The following MGAT4C variants were observed in gnomAD, a reference collection of about 807,000 sequenced individuals.
MGAT4C encodes alpha-1,3-mannosyl-glycoprotein 4-beta-N-acetylglucosaminyltransferase C.
A neutral mutation model predicts 40.1 loss-of-function variants in MGAT4C; 19 were observed. The observed-to-expected ratio is 0.47, with a 90% confidence interval of 0.33 to 0.70. The LOEUF is 0.70. Among genes scored for constraint, MGAT4C ranks in the 30% least tolerant of loss-of-function variants. The pLI is 0.02. For synonymous variants in MGAT4C, 181 were observed against 187.1 expected, an observed-to-expected ratio of 0.97 and a Z score of 0.27; for missense variants, 491 against 563.2, an observed-to-expected ratio of 0.87 and a Z score of 1.30.
At chr12:85,985,914 T>A (rs1885147520) in intron 3 of MGAT4C, among the ~76,000 whole-genome samples, 1 of 152,184 alleles carries the variant, frequency 6.6e-6, no homozygotes, top group South Asian at 2.1e-4. Context: ...AGCACTAAAT[T>A]CATTTTACCA....
chr12:86,723,143 G>A (rs1434305312), intron 2 of MGAT4C, among the ~76,000 whole-genome samples: 2 of 152,132 alleles, frequency 1.3e-5, no homozygotes, highest in African/African-American at 4.8e-5. Flanking sequence ...TTACTACTCT[G>A]AATTTTAAGA....
At chr12:86,282,932 C>T (rs183387293) in intron 4 of MGAT4C, among the ~76,000 whole-genome samples, 1 of 152,058 alleles carries the variant, frequency 6.6e-6, no homozygotes, top group African/African-American at 2.4e-5. Flanking sequence ...TGTCTTCTAG[C>T]ACTATGAAAC....
chr12:86,293,875 C>T (rs1320111786), intron 4 of MGAT4C, among the ~76,000 whole-genome samples: 3 of 152,138 alleles, frequency 2.0e-5, no homozygotes, highest in East Asian at 3.9e-4. Flanking sequence ...TTGCCTCCTG[C>T]CATGATTAAA....
intron 1 of MGAT4C, among the ~76,000 whole-genome samples, chr12:86,252,736 A>G (rs1952353014): frequency 1.3e-5 from 2 of 151,908 alleles, no homozygotes; most frequent in South Asian, 4.1e-4. Flanking sequence ...TTATTATTTT[A>G]CTTATACTAT....
At chr12:86,105,655 T>C (rs1439126077) in intron 1 of MGAT4C, among the ~76,000 whole-genome samples, 1 of 152,124 alleles carries the variant, frequency 6.6e-6, no homozygotes, top group East Asian at 1.9e-4. Flanking sequence ...AAGGAAACAT[T>C]ATTAGCCACA....
intron 4 of MGAT4C, among the ~76,000 whole-genome samples, chr12:86,294,397 A>G (rs1471395319): frequency 6.7e-6 from 1 of 150,244 alleles, no homozygotes. Flanking sequence ...TGCTTTTATC[A>G]CTCTTCTTAT....
intron 2 of MGAT4C, among the ~76,000 whole-genome samples, chr12:86,721,100 T>C (rs1950729027): frequency 6.6e-6 from 1 of 152,144 alleles, no homozygotes; most frequent in Non-Finnish European, 1.5e-5. Context: ...AGAATGGTTA[T>C]TGACTCATGC....
At chr12:86,493,530 A>G (rs1958178214) in intron 2 of MGAT4C, among the ~76,000 whole-genome samples, 1 of 152,076 alleles carries the variant, frequency 6.6e-6, no homozygotes, top group Non-Finnish European at 1.5e-5. Flanking sequence ...CATCATTCTC[A>G]GTAAACTATC....
chr12:86,783,981 T>C (rs538468099), intron 1 of MGAT4C, among the ~76,000 whole-genome samples: 9 of 152,180 alleles, frequency 5.9e-5, no homozygotes, highest in Admixed American at 2.0e-4. Context: ...CAGCTTAAAT[T>C]TGAGGGCATT....
At position 86,634,637 on chromosome 12, in the gene MGAT4C, A is replaced by G. The variant is rs371564559; in HGVS notation, c.-229+92572T>C. 2.0e-5 allele frequency among the ~76,000 whole-genome samples: 3 copies of G among 152,026 alleles called. No individual in the cohort carries two copies. In the East Asian group the frequency reaches 5.9e-4, roughly 30 times the overall value. ...TGTTCCTATTTTCTTGCTGGCTACC[A>G]TCCTGGAGCTGCTCTCAGCTACAAA... On this transcript the variant is annotated intron_variant, in intron 2 of 7. Coordinates refer to the MGAT4C transcript ENST00000548651.
At chr12:86,218,723 G>A (rs1159360727) in intron 1 of MGAT4C, among the ~76,000 whole-genome samples, 1 of 152,106 alleles carries the variant, frequency 6.6e-6, no homozygotes, top group African/African-American at 2.4e-5. Context: ...CTATGGAACT[G>A]CTGTGGCAGG....
At chr12:86,781,355 C>T (rs1051803060) in intron 1 of MGAT4C, among the ~76,000 whole-genome samples, 12 of 151,782 alleles carry the variant, frequency 7.9e-5, no homozygotes, top group African/African-American at 2.7e-4. Flanking sequence ...CATTCTGACT[C>T]GTATAAATTG....
chr12:85,982,550 C>T (rs1054124999), intron 4 of MGAT4C, among the ~76,000 whole-genome samples: 6 of 152,112 alleles, frequency 3.9e-5, no homozygotes, highest in African/African-American at 9.7e-5. Flanking sequence ...AAATCAACAG[C>T]GTTATAATTA....
chr12:86,601,034 G>A (rs184083980), intron 2 of MGAT4C, among the ~76,000 whole-genome samples: 3 of 152,360 alleles, frequency 2.0e-5, no homozygotes, highest in Admixed American at 1.3e-4. Flanking sequence ...GCTCCCCGCT[G>A]TCTCGGCCCC....
At chr12:86,433,775 T>C (rs1007468255) in intron 3 of MGAT4C, among the ~76,000 whole-genome samples, 5 of 152,056 alleles carry the variant, frequency 3.3e-5, no homozygotes. Flanking sequence ...TTTTTACATC[T>C]GAAAAATTAA....
chr12:86,768,766 G>A (rs906025000), intron 1 of MGAT4C, among the ~76,000 whole-genome samples: 6 of 152,090 alleles, frequency 3.9e-5, no homozygotes, highest in Non-Finnish European at 8.8e-5. Flanking sequence ...GAGCAATGGG[G>A]AAAGGATTCC....
At chr12:86,607,960 C>T (rs1398729419) in intron 2 of MGAT4C, among the ~76,000 whole-genome samples, 1 of 152,032 alleles carries the variant, frequency 6.6e-6, no homozygotes, top group Non-Finnish European at 1.5e-5. Flanking sequence ...GCCAGGTCTT[C>T]CCTGGGCTCA....
intron 1 of MGAT4C, among the ~76,000 whole-genome samples, chr12:86,184,618 T>C (rs1349937852): frequency 1.8e-5 from 2 of 110,978 alleles, no homozygotes; most frequent in African/African-American, 6.1e-5. Flanking sequence ...GAATAAATTA[T>C]CACATTTTCT....
chr12:86,229,761 GGTGAAT>G (rs1299717963), intron 1 of MGAT4C, among the ~76,000 whole-genome samples: 8 of 151,936 alleles, frequency 5.3e-5, no homozygotes, highest in Non-Finnish European at 1.2e-4. Context: ...AAAGCTTCAT[GGTGAAT>G]GTGATGACGA....
Sources: gnomAD v4.1 joint callset for allele counts (sites outside exome capture counted in the v4.1 genomes callset) on GRCh38, gnomAD v4.1.1 for gene constraint, MANE v1.5 for transcripts, NCBI Gene and HGNC (gene_info 2026-07-23, HGNC 2026-07-21) for gene names.